Variants in SPAG16 observed in about 807,000 individuals in gnomAD.
The protein encoded by SPAG16 is sperm associated antigen 16, also known as sperm-associated antigen 16 protein.
Under a neutral mutation model 80.4 loss-of-function variants are expected in SPAG16, and 86 were observed. That is an observed-to-expected ratio of 1.07 (90% CI 0.90 to 1.28). The LOEUF is 1.28. Among genes scored for constraint, SPAG16 ranks in the 50% most tolerant of loss-of-function variants. The probability of loss-of-function intolerance (pLI) is 0.00; values close to 1 mark genes in which losing one functional copy is unlikely to be tolerated. For synonymous variants in SPAG16, 294 were observed against 265.9 expected (o/e 1.11, Z -1.03); for missense variants, 870 against 765.3 (o/e 1.14, Z -1.61).
chr2:213,777,237 A>ATTTTTTTTT (rs59548915), intron 10 of SPAG16, among the ~76,000 whole-genome samples: 1 of 82,702 alleles, frequency 1.2e-5, no homozygotes, highest in Non-Finnish European at 2.2e-5. Flanking sequence ...GTTTGTAGGA[A>ATTTTTTTTT]TTTTTTTTTT....
At chr2:214,153,800 A>C (rs1417587951) in intron 15 of SPAG16, among the ~76,000 whole-genome samples, 2 of 152,174 alleles carry the variant, frequency 1.3e-5, no homozygotes, top group African/African-American at 4.8e-5. Flanking sequence ...TTAAGTCAAG[A>C]TATAAACATA....
chr2:213,331,187 A>G (rs1418709903), intron 5 of SPAG16, among the ~76,000 whole-genome samples: 9 of 152,096 alleles, frequency 5.9e-5, no homozygotes, highest in Admixed American at 5.9e-4. Flanking sequence ...CCTCAGAAGT[A>G]GGCACTGGTT....
In SPAG16 at chr2:213,433,251, C is replaced by T. The variant is rs549515633; in HGVS notation, c.943-56712C>T. 2.0e-5 allele frequency among the ~76,000 whole-genome samples: 3 copies of T among 149,168 alleles called. No homozygotes were observed. In the South Asian group the frequency reaches 6.2e-4, roughly 31 times the overall value. ...ATTCAACTTAGAATGGAAGTCCTAG[C>T]CAGAACAATCAGACGAGAAAGAATT... On this transcript the variant is annotated intron_variant, in intron 9 of 15. Transcript: ENST00000331683.
intron 15 of SPAG16, among the ~76,000 whole-genome samples, chr2:214,225,369 A>G (rs2058677482): frequency 6.6e-6 from 1 of 152,116 alleles, no homozygotes; most frequent in Non-Finnish European, 1.5e-5. Context: ...GTGGAGAATG[A>G]GGGTATAAGG....
chr2:214,311,852 A>G (rs910779613), intron 15 of SPAG16: 5 of 152,132 alleles, frequency 3.3e-5, no homozygotes, highest in African/African-American at 1.2e-4. Context: ...AATAATGATA[A>G]TCTCTCTCTT....
intron 9 of SPAG16, among the ~76,000 whole-genome samples, chr2:213,387,431 C>CTTTTTTTCT (rs2067489839): frequency 8.4e-5 from 4 of 47,898 alleles, no homozygotes; most frequent in African/African-American, 4.6e-4. Context: ...AATGCATGCT[C>CTTTTTTTCT]TTTTTTTTTT....
chr2:214,111,191 G>A (rs147598619), intron 14 of SPAG16, among the ~76,000 whole-genome samples: 1,569 of 152,152 alleles, frequency 0.01, 20 homozygotes, highest in Non-Finnish European at 0.015. Flanking sequence ...TGTTTTAGTC[G>A]TGAAGTTCTT....
At chr2:213,378,894 A>G (rs1260074269) in intron 9 of SPAG16, among the ~76,000 whole-genome samples, 1 of 152,200 alleles carries the variant, frequency 6.6e-6, no homozygotes, top group Non-Finnish European at 1.5e-5. Context: ...GAGACATCCT[A>G]GTGGATCTCC....
intron 15 of SPAG16, among the ~76,000 whole-genome samples, chr2:214,293,723 G>T (rs1209896054): frequency 2.6e-5 from 4 of 152,162 alleles, no homozygotes; most frequent in African/African-American, 9.7e-5. Context: ...AGTAGCAGCA[G>T]TGGTATTTCT....
intron 15 of SPAG16, among the ~76,000 whole-genome samples, chr2:214,321,762 C>T (rs1313789985): frequency 6.6e-6 from 1 of 152,096 alleles, no homozygotes; most frequent in East Asian, 1.9e-4. Flanking sequence ...CAAATAAACA[C>T]TGTAAATGAA....
At chr2:213,347,889 A>G (rs1575300652) in intron 6 of SPAG16, among the ~76,000 whole-genome samples, 1 of 152,256 alleles carries the variant, frequency 6.6e-6, no homozygotes, top group East Asian at 1.9e-4. Context: ...AGTTCTGTAG[A>G]TGTCTATTAG....
At chr2:213,924,584 G>A (rs2078378543) in intron 11 of SPAG16, among the ~76,000 whole-genome samples, 1 of 152,098 alleles carries the variant, frequency 6.6e-6, no homozygotes, top group South Asian at 2.1e-4. Flanking sequence ...TGCCATCTTG[G>A]CCCTATCCCT....
At chr2:214,166,693 G>A (rs564050392) in intron 15 of SPAG16, among the ~76,000 whole-genome samples, 2 of 152,174 alleles carry the variant, frequency 1.3e-5, no homozygotes, top group East Asian at 3.9e-4. Flanking sequence ...TTTCCTGGCG[G>A]GGCCCTGACC....
intron 15 of SPAG16, among the ~76,000 whole-genome samples, chr2:214,236,311 T>C (rs1478846586): frequency 3.3e-5 from 5 of 152,188 alleles, no homozygotes. Flanking sequence ...TAGGTGCTTA[T>C]AAAGAATTAC....
rs531168889 is a variant in SPAG16, at chr2:214,084,513, A to G, written c.1528-23683A>G. 1.6e-4 allele frequency among the ~76,000 whole-genome samples: 25 copies of G among 152,306 alleles called. 1 individual carries two copies. In the South Asian group the frequency reaches 5.2e-3, roughly 32 times the overall value. ...ATAGAATCATAAAGAGCCTATCAACAGGTTTTGCTTTTCTCACATTCAGTC... is the reference window on the plus strand; with the variant it reads ...ATAGAATCATAAAGAGCCTATCAACGGGTTTTGCTTTTCTCACATTCAGTC... On this transcript the variant is annotated intron_variant, in intron 13 of 15. Transcript: ENST00000331683.
chr2:214,085,354 G>C (rs2051655276), intron 13 of SPAG16, among the ~76,000 whole-genome samples: 1 of 146,940 alleles, frequency 6.8e-6, no homozygotes, highest in African/African-American at 2.5e-5. Context: ...ACTCCAGCCT[G>C]GTTGACAGAG....
chr2:213,918,523 TTAAGGCAGGACTTG>T (rs2078068408), intron 11 of SPAG16, among the ~76,000 whole-genome samples: 1 of 152,174 alleles, frequency 6.6e-6, no homozygotes, highest in East Asian at 1.9e-4. Context: ...GGTAATTGAA[TTAAGGCAGGACTTG>T]CCTGTGCTGT....
chr2:213,889,238 T>C (rs2076683045), intron 11 of SPAG16, among the ~76,000 whole-genome samples: 1 of 151,906 alleles, frequency 6.6e-6, no homozygotes, highest in East Asian at 1.9e-4. Flanking sequence ...AGATAGAAAG[T>C]AACAACTTAA....
chr2:214,281,181 A>G (rs1692904123), intron 15 of SPAG16: 1 of 329,182 alleles, frequency 3.0e-6, no homozygotes, highest in Non-Finnish European at 6.0e-6. Context: ...CTGCAGCGTA[A>G]TTTGTCAAGC....
Sources: gnomAD v4.1 joint callset for allele counts (sites outside exome capture counted in the v4.1 genomes callset) on GRCh38, gnomAD v4.1.1 for gene constraint, MANE v1.5 for transcripts, NCBI Gene and HGNC (gene_info 2026-07-23, HGNC 2026-07-21) for gene names.